DERL2: variants seen among roughly 807,000 people sequenced by gnomAD.
The protein encoded by DERL2 is derlin-2.
DERL2 carries 13 observed loss-of-function variants against 32.0 expected under a neutral mutation model. The ratio of observed to expected loss-of-function variants is 0.41; its 90% CI spans 0.26 to 0.65. The LOEUF is 0.65. Among genes scored for constraint, DERL2 ranks in the 30% least tolerant of loss-of-function variants. The pLI is 0.35. For missense variants in DERL2, 208 were observed against 296.3 expected, an observed-to-expected ratio of 0.70 and a Z score of 2.19; for synonymous variants, 111 against 104.7, an observed-to-expected ratio of 1.06 and a Z score of -0.37.
At chr17:5,478,185 G>A (rs1905511214) in intron 6 of DERL2, among the ~76,000 whole-genome samples, 2 of 152,110 alleles carry the variant, frequency 1.3e-5, no homozygotes, top group African/African-American at 4.8e-5. Flanking sequence ...GCAACATAGA[G>A]AGACCTTGTC....
chr17:5,480,547 G>T lies in DERL2; in HGVS notation c.363C>A (p.Gly121=). The change falls in exon 5 of 7, where the codon GGC becomes GGA. Residue 121 remains glycine (G), a synonymous_variant. Coordinates refer to ENST00000158771, the MANE Select transcript of DERL2 (RefSeq NM_016041.5). The part of the protein sequence containing the change: ...FGLFVSLVFL[G]QAFTIMLVYV... ...AGACGAGCATTATTGTAAAGGCCTG[G>T]CCCAAGAAAACTAAGCTCACAAACA... The T allele has an allele frequency of 6.4e-7, 1 of 1,553,864 alleles. No homozygotes were observed. Among genetic ancestry groups the T allele is most frequent in the Non-Finnish European group, 8.6e-7 (1 of 1,158,160 alleles).
At chr17:5,477,417 TGATA>T (rs1905464651) in intron 6 of DERL2, among the ~76,000 whole-genome samples, 2 of 152,202 alleles carry the variant, frequency 1.3e-5, no homozygotes, top group Admixed American at 6.5e-5. Context: ...TTTTCTGTCT[TGATA>T]GATACACAGA....
At chr17:5,480,007 G>T in intron 6 of DERL2, 47 bp downstream of exon 6, 2 of 1,205,550 alleles carry the variant, frequency 1.7e-6, no homozygotes, top group Non-Finnish European at 2.4e-6. Context: ...TCATGCCCCT[G>T]TCCTGGTTTG....
rs1905159007 is a variant in DERL2, at chr17:5,472,315, G to C, written c.*2369C>G. On this transcript the variant is annotated 3_prime_UTR_variant, in exon 7 of 7. Transcript: ENST00000158771. ...TTCAGTTTATTTGCATTGTGAAAGG[G>C]AAGTGTGTTCTGGAAGAACTAAGAT... 1 of 152,212 alleles carries C rather than the reference G, an allele frequency of 6.6e-6. No homozygotes were observed. The highest frequency in any genetic ancestry group is 2.4e-5 in the African/African-American group (1 of 41,458). 9.4% of individuals were successfully genotyped at this position (152,212 alleles called of 1,614,324 possible). A position where few individuals can be genotyped will look rare whatever the true frequency, so the allele number is the denominator to read the frequency against.
Position 5,485,143 on chromosome 17 carries a change from C to A in DERL2, c.159+8G>T, listed in dbSNP as rs1309538613. The A allele has an allele frequency of 6.4e-7, 1 of 1,557,952 alleles. No homozygotes were observed. The highest frequency in any genetic ancestry group is 8.7e-7 in the Non-Finnish European group (1 of 1,145,402). ...AAGCATTAATCACTATTGTGATGAA[C>A]CACTTACTTGAAAGTGTTTAAAGAT... On this transcript the variant is annotated splice_region_variant and intron_variant, in intron 2 of 6. Transcript: ENST00000158771.
At chr17:5,480,199 G>A (rs2151704800) in intron 5 of DERL2, 55 bp from the exon 6 acceptor site, 1 of 1,330,582 alleles carries the variant, frequency 7.5e-7, no homozygotes, top group Middle Eastern at 1.9e-4. Flanking sequence ...TAGATTGCAG[G>A]TAGACCTACC....
rs1277223092 is a variant in DERL2 at position 5,474,693 on chromosome 17, A to C, written c.711T>G (p.Leu237=). Residue 237 remains leucine, a synonymous_variant, in exon 7 of 7, where the codon CTT becomes CTG. Transcript: ENST00000158771. This position sits in a 1 kb window ranked among gnomAD's most constrained non-coding sequence, Gnocchi z 4.3. The stretch of plus-strand genomic sequence containing the variant: ...TATTGGCACTGCTGCTTTAACCTCC[A>C]AGCCGCTGGCCCTCACCCCAGGCGA... ...GGFAWGEGQR[L]GG 6.2e-7 allele frequency: 1 copy of C among 1,610,510 alleles called. No homozygotes were observed. The highest frequency in any genetic ancestry group is 1.3e-5 in the African/African-American group (1 of 74,734).
rs1162901556 is a variant in DERL2, at chr17:5,472,600, G to GT, written c.*2083dup. The GT allele has an allele frequency of 1.3e-5, 2 of 152,164 alleles. No individual in the cohort carries two copies. Among genetic ancestry groups the GT allele is most frequent in the Non-Finnish European group, 2.9e-5 (2 of 68,030 alleles). The allele number at this position is 152,164 out of a possible 1,614,324, so 9.4% of individuals were successfully genotyped here. A position where few individuals can be genotyped will look rare whatever the true frequency, so the allele number is the denominator to read the frequency against. ...TGCCTTTAGGCTGTATATTCAAAAT[G>GT]TATTTCCTGTTTTACCTAGTCATTA... On this transcript the variant is annotated 3_prime_UTR_variant, in exon 7 of 7. Coordinates refer to ENST00000158771, the MANE Select transcript of DERL2 (RefSeq NM_016041.5).
rs996807653 is a variant in DERL2, at chr17:5,481,586, T to C, written c.234-197A>G. On this transcript the variant is annotated intron_variant, in intron 3 of 6. Coordinates refer to ENST00000158771, the MANE Select transcript of DERL2 (RefSeq NM_016041.5). This position sits in a 1 kb window ranked among gnomAD's most constrained non-coding sequence, Gnocchi z 4.4. ...AAAGGTCAAGACCAGCATCATTTTT[T>C]ACAAACTGTCCCTGGCTGGGAACTA... 6.6e-6 allele frequency among the ~76,000 whole-genome samples: 1 copy of C among 152,178 alleles called. No individual in the cohort carries two copies. Among genetic ancestry groups the C allele is most frequent in the Non-Finnish European group, 1.5e-5 (1 of 68,032 alleles).
At chr17:5,477,602 C>A (rs1905477440) in intron 6 of DERL2, among the ~76,000 whole-genome samples, 1 of 152,042 alleles carries the variant, frequency 6.6e-6, no homozygotes, top group South Asian at 2.1e-4. Context: ...GATAGGTGTG[C>A]AATAAGAATA....
At chr17:5,478,878 G>A (rs1233835791) in intron 6 of DERL2, among the ~76,000 whole-genome samples, 1 of 152,174 alleles carries the variant, frequency 6.6e-6, no homozygotes, top group Non-Finnish European at 1.5e-5. Flanking sequence ...GAAGTGCAGT[G>A]GTGCGATCTC....
intron 2 of DERL2, 129 bp downstream of exon 2, chr17:5,485,022 A>C: frequency 3.6e-6 from 2 of 548,572 alleles, no homozygotes; most frequent in East Asian, 6.8e-5. Flanking sequence ...TTATATCCTG[A>C]CAAGGCAACT....
At chr17:5,478,242 G>T (rs903324348) in intron 6 of DERL2, among the ~76,000 whole-genome samples, 1 of 152,064 alleles carries the variant, frequency 6.6e-6, no homozygotes, top group African/African-American at 2.4e-5. Flanking sequence ...GAGCTTGGTG[G>T]TGTGCACCTG....
At position 5,481,514 on chromosome 17, in the gene DERL2, G is replaced by T; in HGVS notation, c.234-125C>A. On this transcript the variant is annotated intron_variant, in intron 3 of 6. Coordinates refer to ENST00000158771, the MANE Select transcript of DERL2 (RefSeq NM_016041.5). The surrounding 1 kb of genome is among the most constrained non-coding windows in gnomAD (Gnocchi z 4.4). ...ATTAGTCAAGTCTTCATTTGTATAA[G>T]AATGTTTGAGTGGTAATGTGATTAC... The T allele has an allele frequency of 2.9e-6, 2 of 686,726 alleles. No homozygotes were observed. The highest frequency in any genetic ancestry group is 5.0e-6 in the Non-Finnish European group (2 of 399,786). The allele number at this position is 686,726 out of a possible 1,614,324, so 42.5% of individuals were successfully genotyped here. A position where few individuals can be genotyped will look rare whatever the true frequency, so the allele number is the denominator to read the frequency against.
rs926257331 is a variant in DERL2 at position 5,473,165 on chromosome 17, T to C, written c.*1519A>G. 4 of 152,228 alleles carry C rather than the reference T, an allele frequency of 2.6e-5. No individual in the cohort carries two copies. The highest frequency in any genetic ancestry group is 9.6e-5 in the African/African-American group (4 of 41,458). The allele number at this position is 152,228 out of a possible 1,614,324, so 9.4% of individuals were successfully genotyped here. On this transcript the variant is annotated 3_prime_UTR_variant, in exon 7 of 7. Coordinates refer to ENST00000158771, the MANE Select transcript of DERL2 (RefSeq NM_016041.5). Reference sequence around the variant, plus strand: ...CTGGAAAGCTACCCCTTAACAAAGGTTGAATGAACTACTACTAACAATCCA... The same window carrying C: ...CTGGAAAGCTACCCCTTAACAAAGGCTGAATGAACTACTACTAACAATCCA...
At chr17:5,486,286 A>G, upstream of DERL2, 1 of 600,362 alleles carries the variant, frequency 1.7e-6, no homozygotes, top group Non-Finnish European at 2.7e-6. Flanking sequence ...TGCCCAATCA[A>G]CGCCAAGCAA....
intron 5 of DERL2, 55 bp from the exon 6 acceptor site, chr17:5,480,199 G>T: frequency 2.3e-6 from 3 of 1,330,582 alleles, no homozygotes; most frequent in Non-Finnish European, 3.2e-6. Context: ...TAGATTGCAG[G>T]TAGACCTACC....
Position 5,486,133 on chromosome 17 carries a change from T to C in DERL2, c.29A>G (p.Tyr10Cys), listed in dbSNP as rs1906261271. The C allele has an allele frequency of 6.2e-7, 1 of 1,608,664 alleles. No individual in the cohort carries two copies. The highest frequency in any genetic ancestry group is 8.5e-7 in the Non-Finnish European group (1 of 1,177,688). The change falls in exon 1 of 7, where the codon TAC becomes TGC. Residue 10 changes from tyrosine to cysteine, a missense_variant. Physicochemically the swap from Tyr to Cys is radical, Grantham distance 194. Coordinates refer to ENST00000158771, the MANE Select transcript of DERL2 (RefSeq NM_016041.5). Reference protein sequence around the residue: MAYQSLRLEYLQIPPVSRAY... With the variant: MAYQSLRLECLQIPPVSRAY... ...GCGGCTGACCGGTGGGATCTGCAGG[T>C]ACTCCAGCCGCAAGCTCTGGTACGC...
rs749900505 is a variant in DERL2, at chr17:5,474,666, AT to A, written c.*17del. On this transcript the variant is annotated 3_prime_UTR_variant, in exon 7 of 7. Transcript: ENST00000158771. This position sits in a 1 kb window ranked among gnomAD's most constrained non-coding sequence, Gnocchi z 4.3. ...ACCGAGTCCTTCCCAGCTGGGTCTC[AT>A]TATTGGCACTGCTGCTTTAACCTCC... 6 of 1,594,438 alleles carry A rather than the reference AT, an allele frequency of 3.8e-6. No individual in the cohort carries two copies. The East Asian group carries it at 1.4e-4, about 36-fold the overall frequency.
Sources: gnomAD v4.1 joint callset for allele counts (sites outside exome capture counted in the v4.1 genomes callset) on GRCh38, gnomAD v4.1.1 for gene constraint, Gnocchi (gnomAD v3.1) non-coding constraint, MANE v1.5 for transcripts, NCBI Gene and HGNC (gene_info 2026-07-23, HGNC 2026-07-21) for gene names.